ABCA13: variants seen among roughly 807,000 people sequenced by gnomAD.
ABCA13 encodes ATP-binding cassette sub-family A member 13.
A neutral mutation model predicts 478.7 loss-of-function variants in ABCA13; 476 were observed. The ratio of observed to expected loss-of-function variants is 0.99; its 90% CI spans 0.92 to 1.07. ABCA13 has a LOEUF of 1.07. Among genes scored for constraint, ABCA13 ranks in the 50% least tolerant of loss-of-function variants. The pLI is 0.00. For missense variants in ABCA13, 6,060 were observed against 5,910.6 expected (o/e 1.03, Z -0.83); for synonymous variants, 2,252 against 2,158.9 (o/e 1.04, Z -1.20).
intron 50 of ABCA13, 127 bp from the exon 51 acceptor site, chr7:48,510,957 A>G: frequency 4.0e-6 from 3 of 755,958 alleles, no homozygotes; most frequent in South Asian, 1.8e-5. Flanking sequence ...CCACGGCTAC[A>G]GAACTCCTAA....
intron 45 of ABCA13, among the ~76,000 whole-genome samples, chr7:48,474,893 T>C (rs189845254): frequency 2.6e-4 from 39 of 152,342 alleles, no homozygotes; most frequent in African/African-American, 9.4e-4. Flanking sequence ...TTTATGTTCC[T>C]AAATTCACTT....
At chr7:48,638,415 G>A (rs890009078) in intron 59 of ABCA13, among the ~76,000 whole-genome samples, 1 of 152,184 alleles carries the variant, frequency 6.6e-6, no homozygotes, top group African/African-American at 2.4e-5. Context: ...AAGCTGTCAT[G>A]TCCCTATACG....
At chr7:48,186,970 T>C (rs1422008638) in intron 1 of ABCA13, among the ~76,000 whole-genome samples, 1 of 150,968 alleles carries the variant, frequency 6.6e-6, no homozygotes, top group Non-Finnish European at 1.5e-5. Flanking sequence ...ATTTCATTAT[T>C]GAGAATATGT....
chr7:48,450,532 G>A (rs979380344), intron 42 of ABCA13, among the ~76,000 whole-genome samples: 5 of 152,068 alleles, frequency 3.3e-5, no homozygotes. Context: ...TGGATAAAAT[G>A]CAACTTTTCA....
Position 48,644,672 on chromosome 7 carries a change from C to A in ABCA13, c.14999C>A (p.Ala5000Asp). The A allele has an allele frequency of 1.6e-5, 26 of 1,610,074 alleles. No individual in the cohort carries two copies. Among genetic ancestry groups the A allele is most frequent in the Non-Finnish European group, 2.1e-5 (25 of 1,179,184 alleles). Residue 5000 changes from alanine (A) to aspartate (D), a missense_variant, in exon 61 of 62, where the codon GCT becomes GAT. By Grantham distance (126) the Ala-to-Asp change is moderately radical. This residue lies in a region of ABCA13 where 1,627 missense variants were observed against 1,571.0 expected (regional missense o/e 1.04). Coordinates refer to ENST00000435803, the MANE Select transcript of ABCA13 (RefSeq NM_152701.5). ...GTGCCAAAAAGATGGGGATGCCTAG[C>A]TGACTTGTTCAAAGTTATAGAGAAC... ...YHVPKRWGCL[A>D]DLFKVIENNK...
Position 48,281,433 on chromosome 7 carries a change from T to C in ABCA13, c.8817T>C (p.Arg2939=). The change falls in exon 19 of 62, where the codon CGT becomes CGC. Residue 2939 remains arginine (R), a synonymous_variant. Transcript: ENST00000435803. ...MLQKVKMMVV[R]VLTIVAENPS... ...AGAAAGTGAAGATGATGGTCGTACG[T>C]GTGCTCACCATCGTTGCAGGTGGGC... 6.2e-7 allele frequency: 1 copy of C among 1,602,016 alleles called. No homozygotes were observed. Among genetic ancestry groups the C allele is most frequent in the Non-Finnish European group, 8.5e-7 (1 of 1,174,094 alleles).
chr7:48,352,540 C>A (rs1022053596), intron 31 of ABCA13, 53 bp downstream of exon 31: 4 of 1,470,668 alleles, frequency 2.7e-6, no homozygotes, highest in Non-Finnish European at 3.6e-6. Context: ...TTGCATTTGT[C>A]TAGCTGAGGA....
In ABCA13 at chr7:48,239,341, C is replaced by G. The variant is rs568824703; in HGVS notation, c.998C>G (p.Pro333Arg). ...TGGGGCCACGTTGGAGGCTGCCACC[C>G]TAAGTGGTCAGAAGCCAAAAACTAT... Reference protein sequence around the residue: ...EKWGHVGGCHPKWSEAKNYLV... With the variant: ...EKWGHVGGCHRKWSEAKNYLV... Residue 333 changes from proline to arginine, a missense_variant, in exon 9 of 62, where the codon CCT becomes CGT. Transcript: ENST00000435803. 8 of 1,613,934 alleles carry G rather than the reference C, an allele frequency of 5.0e-6. No individual in the cohort carries two copies. The East Asian group carries it at 1.6e-4, about 31-fold the overall frequency.
chr7:48,345,571 G>C (rs1807949567), intron 29 of ABCA13, among the ~76,000 whole-genome samples: 1 of 152,142 alleles, frequency 6.6e-6, no homozygotes. Context: ...CTAGCTCATA[G>C]AATAAGGATG....
chr7:48,441,440 A>G (rs1823575110), intron 42 of ABCA13, among the ~76,000 whole-genome samples: 1 of 152,214 alleles, frequency 6.6e-6, no homozygotes, highest in African/African-American at 2.4e-5. Context: ...ATATGTCTTC[A>G]GAAATAGTTT....
intron 28 of ABCA13, among the ~76,000 whole-genome samples, chr7:48,337,291 G>A (rs1160811005): frequency 6.6e-6 from 1 of 152,138 alleles, no homozygotes; most frequent in Non-Finnish European, 1.5e-5. Context: ...AAAGACAACA[G>A]TACCCTCCTG....
chr7:48,486,850 A>C (rs1228779038), intron 47 of ABCA13, among the ~76,000 whole-genome samples: 1 of 152,164 alleles, frequency 6.6e-6, no homozygotes, highest in African/African-American at 2.4e-5. Flanking sequence ...CAGAGGCATA[A>C]GGGAGACTTC....
At chr7:48,550,503 C>T (rs145850091) in intron 55 of ABCA13, among the ~76,000 whole-genome samples, 4 of 116,384 alleles carry the variant, frequency 3.4e-5, no homozygotes, top group East Asian at 2.8e-4. Context: ...AGTGATCCGC[C>T]CCCCCTCAGC....
rs755317923 is a variant in ABCA13 at position 48,392,107 on chromosome 7, G to A, written c.11841G>A (p.Trp3947Ter). 3 of 1,613,754 alleles carry A rather than the reference G, an allele frequency of 1.9e-6. No individual in the cohort carries two copies. The highest frequency in any genetic ancestry group is 1.3e-5 in the African/African-American group (1 of 74,904). The change falls in exon 38 of 62, where the codon TGG becomes TGA. Residue 3947 changes from tryptophan to a stop codon, truncating the protein, a stop_gained. Coordinates refer to ENST00000435803, the MANE Select transcript of ABCA13 (RefSeq NM_152701.5). LOFTEE classifies it high-confidence loss of function. The stretch of plus-strand genomic sequence containing the variant: ...TTGCTTCCATAAAGGCGCCTCAGTG[G>A]ACCAAGAAGGAGCTGCATCAGCAAG... ...LLFASIKAPQWTKKELHQQVN... is the reference protein window; with the variant it reads ...LLFASIKAPQ
chr7:48,564,904 G>A (rs141756819), intron 55 of ABCA13, among the ~76,000 whole-genome samples: 5 of 152,194 alleles, frequency 3.3e-5, no homozygotes, highest in African/African-American at 1.2e-4. Context: ...AAATTTAACA[G>A]TGACTTGCTT....
At chr7:48,301,731 G>C (rs1302346072) in intron 23 of ABCA13, among the ~76,000 whole-genome samples, 1 of 151,938 alleles carries the variant, frequency 6.6e-6, no homozygotes, top group Non-Finnish European at 1.5e-5. Context: ...TGTGGTCCTT[G>C]TAATCCAGGA....
intron 52 of ABCA13, 118 bp downstream of exon 52, chr7:48,516,999 C>A: frequency 8.7e-7 from 1 of 1,152,276 alleles, no homozygotes; most frequent in Non-Finnish European, 1.2e-6. Flanking sequence ...CATTGGTATC[C>A]ACTGTCTTTA....
At chr7:48,228,442 A>C (rs1195267188) in intron 6 of ABCA13, among the ~76,000 whole-genome samples, 1 of 152,112 alleles carries the variant, frequency 6.6e-6, no homozygotes, top group Non-Finnish European at 1.5e-5. Flanking sequence ...CCTGCAGCCC[A>C]AGGGTATTCT....
At chr7:48,174,118 A>G (rs557273601) in intron 1 of ABCA13, among the ~76,000 whole-genome samples, 182 of 152,352 alleles carry the variant, frequency 1.2e-3, no homozygotes, top group Non-Finnish European at 2.0e-3. Flanking sequence ...CCATTCTCCA[A>G]TGATAATCTG....
Sources: allele counts gnomAD v4.1 joint callset (sites outside exome capture counted in the v4.1 genomes callset), GRCh38; gene constraint gnomAD v4.1.1; regional missense constraint gnomAD v4.1.1; transcripts MANE v1.5; gene names NCBI Gene and HGNC (gene_info 2026-07-23, HGNC 2026-07-21).